The following NPHP3 variants were observed in gnomAD, a reference collection of about 807,000 sequenced individuals.
The protein encoded by NPHP3 is nephrocystin 3.
In NPHP3, 123 loss-of-function variants were observed where a neutral mutation model predicts 171.9. The observed-to-expected ratio is 0.72, with a 90% CI of 0.62 to 0.83. The LOEUF (loss-of-function observed/expected upper bound fraction) is 0.83, where lower values mean the gene tolerates loss of function less well. NPHP3 is among the 40% of genes least tolerant of loss of function. NPHP3 has a pLI of 0.00. For missense variants in NPHP3, 1,506 were observed against 1,591.9 expected, an observed-to-expected ratio of 0.95 and a Z score of 0.92; for synonymous variants, 558 against 579.2, an observed-to-expected ratio of 0.96 and a Z score of 0.52.
intron 3 of NPHP3, chr3:132,717,389 T>C (rs1017419964): frequency 1.3e-5 from 2 of 159,220 alleles, no homozygotes; most frequent in Admixed American, 6.1e-5. Context: ...ACAAAATTAA[T>C]GTCTGAATCA....
rs151118635 is a variant in NPHP3, at chr3:132,705,802, A to G, written c.1288T>C (p.Ser430Pro). Reference protein sequence around the residue: ...KTSKAKIIDHSGDPAEGVYKT... With the variant: ...KTSKAKIIDHPGDPAEGVYKT... ...TATACTCCTTCTGCAGGATCTCCTG[A>G]GTGATCAATGATCTAGATAAAAATC... Residue 430 changes from serine (S) to proline (P), a missense_variant, in exon 8 of 27, where the codon TCA (serine) becomes CCA (proline). Physicochemically the swap from Ser to Pro is moderately conservative, Grantham distance 74. Coordinates refer to ENST00000337331, the MANE Select transcript of NPHP3 (RefSeq NM_153240.5). 5 of 1,506,442 alleles carry G rather than the reference A, an allele frequency of 3.3e-6. No homozygotes were observed. Among genetic ancestry groups the G allele is most frequent in the Admixed American group, 1.7e-5 (1 of 59,386 alleles). 93.3% of individuals were successfully genotyped at this position (1,506,442 alleles called of 1,614,324 possible).
chr3:132,684,745 G>A lies in NPHP3; in HGVS notation c.3379C>T (p.Leu1127=). 1.2e-6 allele frequency: 2 copies of A among 1,613,926 alleles called. No individual in the cohort carries two copies. The highest frequency in any genetic ancestry group is 1.7e-6 in the Non-Finnish European group (2 of 1,179,958). The change falls in exon 24 of 27, where the codon CTA becomes TTA. Residue 1127 remains leucine, a synonymous_variant. Coordinates refer to ENST00000337331, the MANE Select transcript of NPHP3 (RefSeq NM_153240.5). ...GCACAGTCAGGGTGATCTGGTCCTAGAACTCGCTCCCTCATTTCTAAGGAA... is the reference window on the plus strand; with the variant it reads ...GCACAGTCAGGGTGATCTGGTCCTAAAACTCGCTCCCTCATTTCTAAGGAA... ...KRSLEMRERV[L]GPDHPDCAQS...
intron 13 of NPHP3, among the ~76,000 whole-genome samples, chr3:132,697,565 C>A (rs1228783315): frequency 6.6e-6 from 1 of 152,052 alleles, no homozygotes; most frequent in African/African-American, 2.4e-5. Flanking sequence ...CAATGAATCA[C>A]AACAAACAGT....
At chr3:132,706,267 G>A (rs1196008539) in intron 7 of NPHP3, among the ~76,000 whole-genome samples, 1 of 151,638 alleles carries the variant, frequency 6.6e-6, no homozygotes, top group African/African-American at 2.4e-5. Flanking sequence ...GTTGAGGCAA[G>A]AGAATGGCGT....
chr3:132,684,511 C>A, intron 24 of NPHP3, 43 bp downstream of exon 24: 2 of 1,609,258 alleles, frequency 1.2e-6, no homozygotes, highest in Non-Finnish European at 1.7e-6. Flanking sequence ...TATGGCTTAA[C>A]TGATATGTTA....
chr3:132,721,902 G>C (rs1177783143), intron 1 of NPHP3, 61 bp downstream of exon 1: 1 of 1,587,760 alleles, frequency 6.3e-7, no homozygotes, highest in Non-Finnish European at 8.6e-7. Context: ...GGTTTGGAGA[G>C]GGAGCAGGAC....
chr3:132,705,742 G>A lies in NPHP3; in HGVS notation c.1348C>T (p.Gln450Ter). 7.4e-7 allele frequency: 1 copy of A among 1,357,712 alleles called. No homozygotes were observed. The highest frequency in any genetic ancestry group is 1.1e-6 in the Non-Finnish European group (1 of 949,150). 84.1% of individuals were successfully genotyped at this position (1,357,712 alleles called of 1,614,324 possible). ...TYICVEKIIKQDILGFENTDL... is the reference protein window; with the variant it reads ...TYICVEKIIK The stretch of plus-strand genomic sequence containing the variant: ...ACTTACAGAGAATGCATATTTACCT[G>A]TTTAATAATCTTTTCTACACAAATA... Residue 450 changes from glutamine (Q) to a stop codon, truncating the protein, a stop_gained and splice_region_variant, in exon 8 of 27, where the codon CAG (glutamine) becomes TAG (stop). Transcript: ENST00000337331. LOFTEE classifies it high-confidence loss of function.
At chr3:132,699,200 T>C (rs968290378) in intron 13 of NPHP3, among the ~76,000 whole-genome samples, 153 bp downstream of exon 13, 1 of 152,196 alleles carries the variant, frequency 6.6e-6, no homozygotes, top group African/African-American at 2.4e-5. Flanking sequence ...TTCTATAGAT[T>C]GTATTTTTTT....
chr3:132,706,244 A>G (rs1473747367), intron 7 of NPHP3, among the ~76,000 whole-genome samples: 1 of 151,986 alleles, frequency 6.6e-6, no homozygotes, highest in Non-Finnish European at 1.5e-5. Context: ...CTGTAGTGCC[A>G]GCTACTCAGG....
chr3:132,690,618 T>C lies in NPHP3; in HGVS notation c.2603A>G (p.Glu868Gly), dbSNP rs966381254. The C allele has an allele frequency of 5.6e-6, 9 of 1,613,786 alleles. No homozygotes were observed. The highest frequency in any genetic ancestry group is 7.6e-6 in the Non-Finnish European group (9 of 1,179,750). The part of the protein sequence containing the change: ...QDRVTWRSAD[E>G]LPWLFQQQGS... ...CTGCTGCTGAAAAAGCCACGGGAGT[T>C]CATCTGCACTTCTCCAAGTCACTCT... The change falls in exon 19 of 27, where the codon GAA (glutamate) becomes GGA (glycine). Residue 868 changes from glutamate (E) to glycine (G), a missense_variant. Transcript: ENST00000337331.
chr3:132,681,996 G>A lies in NPHP3; in HGVS notation c.3907C>T (p.Pro1303Ser), dbSNP rs373728120. The A allele has an allele frequency of 2.1e-5, 34 of 1,613,844 alleles. No homozygotes were observed. The highest frequency in any genetic ancestry group is 2.9e-5 in the Non-Finnish European group (34 of 1,179,876). ...TCTCCACTTGATGAATGGCGTGAAGGAGCTTTTCCACCCAAGAGTGATGTT... is the reference window on the plus strand; with the variant it reads ...TCTCCACTTGATGAATGGCGTGAAGAAGCTTTTCCACCCAAGAGTGATGTT... ...AETSLLGGKA[P>S]SRHSSSGDTF... is the part of the protein sequence containing the mutation. The change falls in exon 27 of 27, where the codon CCT (proline) becomes TCT (serine). Residue 1303 changes from proline to serine, a missense_variant. This residue lies in a region of NPHP3 where 569 missense variants were observed against 648.1 expected (regional missense o/e 0.88). Transcript: ENST00000337331.
intron 9 of NPHP3, among the ~76,000 whole-genome samples, chr3:132,702,588 T>C (rs1217537644): frequency 1.3e-5 from 2 of 152,226 alleles, no homozygotes; most frequent in Non-Finnish European, 2.9e-5. Context: ...TGATAGCTGA[T>C]GAGGAATTTA....
chr3:132,683,369 C>A, intron 25 of NPHP3, 30 bp downstream of exon 25: 1 of 1,600,160 alleles, frequency 6.2e-7, no homozygotes, highest in Non-Finnish European at 8.6e-7. Flanking sequence ...AAATCATTCA[C>A]TGATACAACG....
chr3:132,707,832 T>A (rs1401670583), intron 7 of NPHP3, among the ~76,000 whole-genome samples: 1 of 152,172 alleles, frequency 6.6e-6, no homozygotes, highest in African/African-American at 2.4e-5. Flanking sequence ...CACTGTCAGA[T>A]GATCACGCCA....
intron 1 of NPHP3, among the ~76,000 whole-genome samples, chr3:132,720,084 A>G (rs1940167278): frequency 6.6e-6 from 1 of 152,194 alleles, no homozygotes; most frequent in Non-Finnish European, 1.5e-5. Context: ...CTTTTTTTGA[A>G]ACACTGCATC....
Position 132,688,719 on chromosome 3 carries a change from T to C in NPHP3, c.3056A>G (p.Tyr1019Cys), listed in dbSNP as rs774509320. The stretch of plus-strand genomic sequence containing the variant: ...AGCAGTATATGGATGGTCCGCACCA[T>C]AAGCATTTTCTGAGATTTCCAACGC... Reference protein sequence around the residue: ...KQALEISENAYGADHPYTARE... With the variant: ...KQALEISENACGADHPYTARE... The change falls in exon 21 of 27, where the codon TAT becomes TGT. Residue 1019 changes from tyrosine (Y) to cysteine (C), a missense_variant. Physicochemically the swap from Tyr to Cys is radical, Grantham distance 194 (BLOSUM62 -2). Coordinates refer to ENST00000337331, the MANE Select transcript of NPHP3 (RefSeq NM_153240.5). 4.3e-6 allele frequency: 7 copies of C among 1,614,054 alleles called. No homozygotes were observed. Among genetic ancestry groups the C allele is most frequent in the South Asian group, 1.1e-5 (1 of 91,086 alleles).
intron 9 of NPHP3, among the ~76,000 whole-genome samples, chr3:132,702,683 T>C (rs2107984076): frequency 6.6e-6 from 1 of 152,324 alleles, no homozygotes; most frequent in South Asian, 2.1e-4. Flanking sequence ...ATGAATTACT[T>C]GGTATAGTTT....
intron 18 of NPHP3, among the ~76,000 whole-genome samples, chr3:132,690,912 C>A: frequency 6.6e-6 from 1 of 151,828 alleles, no homozygotes; most frequent in East Asian, 1.9e-4. Flanking sequence ...TCAATGGACC[C>A]GTATATACAC....
At chr3:132,699,814 A>G in intron 12 of NPHP3, 104 bp downstream of exon 12, 2 of 1,263,082 alleles carry the variant, frequency 1.6e-6, no homozygotes, top group Non-Finnish European at 2.3e-6. Flanking sequence ...ATAAAAAATA[A>G]CATCATATTT....
Sources: gnomAD v4.1 joint callset for allele counts (sites outside exome capture counted in the v4.1 genomes callset) on GRCh38, gnomAD v4.1.1 for gene constraint, gnomAD v4.1.1 regional missense constraint, MANE v1.5 for transcripts, NCBI Gene and HGNC (gene_info 2026-07-23, HGNC 2026-07-21) for gene names.